IARS2: variants seen among roughly 807,000 people sequenced by gnomAD.
IARS2 encodes isoleucine--tRNA ligase, mitochondrial.
IARS2 carries 56 observed loss-of-function variants against 126.3 expected under a neutral mutation model. That is an observed-to-expected ratio of 0.44 (90% CI 0.36 to 0.55). The LOEUF (loss-of-function observed/expected upper bound fraction) is 0.55. IARS2 is among the 20% of genes least tolerant of loss of function. The pLI is 0.00. For synonymous variants in IARS2, 407 were observed against 441.1 expected, an observed-to-expected ratio of 0.92 and a Z score of 0.97; for missense variants, 1,127 against 1,245.9, an observed-to-expected ratio of 0.90 and a Z score of 1.44.
chr1:220,138,859 A>T, intron 17 of IARS2, 149 bp from the exon 18 acceptor site: 1 of 723,078 alleles, frequency 1.4e-6, no homozygotes. Context: ...TTTGTTTTTT[A>T]TTTTTTTACA....
chr1:220,106,207 A>T (rs1441101507), intron 9 of IARS2, 147 bp downstream of exon 9: 1 of 581,518 alleles, frequency 1.7e-6, no homozygotes, highest in African/African-American at 1.8e-5. Flanking sequence ...CTAAAGTTTC[A>T]TTAATTCGTA....
chr1:220,117,255 G>C (rs1464974321), intron 12 of IARS2, among the ~76,000 whole-genome samples: 1 of 133,838 alleles, frequency 7.5e-6, no homozygotes, highest in Non-Finnish European at 1.5e-5. Flanking sequence ...GTAGTGGCAC[G>C]ATCTCAGCTC....
chr1:220,100,609 A>G lies in IARS2; in HGVS notation c.510A>G (p.Arg170=), dbSNP rs1372378340. 1 of 1,611,426 alleles carries G rather than the reference A, an allele frequency of 6.2e-7. No homozygotes were observed. Among genetic ancestry groups the G allele is most frequent in the South Asian group, 1.1e-5 (1 of 90,632 alleles). ...TAAAAGTATTATCAGAACTTGGTAG[A>G]GAAGCTCAGAATCTTTCAGCTATGG... ...IEIKVLSELG[R]EAQNLSAMEI... is the part of the protein sequence containing the mutation. Residue 170 remains arginine (R), a synonymous_variant, in exon 3 of 23, where the codon AGA becomes AGG. Coordinates refer to ENST00000366922, the MANE Select transcript of IARS2 (RefSeq NM_018060.4).
chr1:220,113,000 T>TTA (rs574044103), intron 11 of IARS2, among the ~76,000 whole-genome samples: 5 of 152,120 alleles, frequency 3.3e-5, no homozygotes, highest in Non-Finnish European at 7.4e-5. Flanking sequence ...TTAGCTGGAA[T>TTA]TATAGGCATG....
chr1:220,143,200 T>G (rs2102842543), intron 21 of IARS2, 66 bp downstream of exon 21: 1 of 1,176,036 alleles, frequency 8.5e-7, no homozygotes, highest in Admixed American at 2.1e-5. Flanking sequence ...AAATTTGCTT[T>G]TAAAATGTGT....
chr1:220,118,654 T>C (rs1656976486), intron 12 of IARS2, among the ~76,000 whole-genome samples: 1 of 152,128 alleles, frequency 6.6e-6, no homozygotes, highest in African/African-American at 2.4e-5. Context: ...TTATAATCAC[T>C]TTCATGCTAT....
chr1:220,094,492 C>G lies in IARS2; in HGVS notation c.267+9C>G. ...AGCTGGAGATCCAGCAGGTACGGGC[C>G]CCGCCTCGGCGCGGGGCCTCCAGAG... is the stretch of plus-strand genomic sequence containing the variant. On this transcript the variant is annotated intron_variant, in intron 1 of 22. Transcript: ENST00000366922. 1 of 1,581,548 alleles carries G rather than the reference C, an allele frequency of 6.3e-7. No individual in the cohort carries two copies. The highest frequency in any genetic ancestry group is 8.6e-7 in the Non-Finnish European group (1 of 1,166,116).
chr1:220,134,554 G>C (rs776403704), intron 15 of IARS2, 44 bp downstream of exon 15: 1 of 1,240,846 alleles, frequency 8.1e-7, no homozygotes, highest in South Asian at 1.3e-5. Context: ...ACCTGCCAGT[G>C]TGTGAAGCAC....
In IARS2 at chr1:220,134,387, A is replaced by G. The variant is rs768862476; in HGVS notation, c.1838-15A>G. 5 of 1,535,554 alleles carry G rather than the reference A, an allele frequency of 3.3e-6. No homozygotes were observed. Among genetic ancestry groups the G allele is most frequent in the Non-Finnish European group, 2.6e-6 (3 of 1,139,246 alleles). ...AATTTCTGGGTTTTTTTTTCTTTTA[A>G]TACTTAATTTTGAGGTCCTGACCAA... On this transcript the variant is annotated splice_polypyrimidine_tract_variant and intron_variant, in intron 14 of 22. Transcript: ENST00000366922.
chr1:220,105,136 C>T (rs1656652801), intron 8 of IARS2, among the ~76,000 whole-genome samples: 1 of 152,064 alleles, frequency 6.6e-6, no homozygotes, highest in Non-Finnish European at 1.5e-5. Flanking sequence ...CACCCTCTCT[C>T]ACTGTGTTGC....
intron 12 of IARS2, among the ~76,000 whole-genome samples, chr1:220,115,991 C>T (rs545425387): frequency 2.6e-5 from 4 of 152,250 alleles, no homozygotes; most frequent in South Asian, 4.1e-4. Flanking sequence ...GAGGCCAAGG[C>T]GGCAGGATTG....
chr1:220,122,104 A>C (rs1160379035), intron 12 of IARS2, among the ~76,000 whole-genome samples: 1 of 152,190 alleles, frequency 6.6e-6, no homozygotes, highest in Non-Finnish European at 1.5e-5. Flanking sequence ...AAAATTAATT[A>C]ATTAAAATAA....
At chr1:220,137,155 A>G (rs1375881237) in intron 16 of IARS2, among the ~76,000 whole-genome samples, 1 of 152,142 alleles carries the variant, frequency 6.6e-6, no homozygotes, top group East Asian at 1.9e-4. Context: ...GAGCCTTTAA[A>G]ATGTGTAGAT....
At position 220,126,740 on chromosome 1, in the gene IARS2, A is replaced by G. The variant is rs757142919; in HGVS notation, c.1744-10A>G. 4 of 1,605,380 alleles carry G rather than the reference A, an allele frequency of 2.5e-6. No homozygotes were observed. The highest frequency in any genetic ancestry group is 1.7e-4 in the Middle Eastern group (1 of 6,040). On this transcript the variant is annotated splice_polypyrimidine_tract_variant and intron_variant, in intron 13 of 22. Coordinates refer to ENST00000366922, the MANE Select transcript of IARS2 (RefSeq NM_018060.4). Reference sequence around the variant, plus strand: ...TGTGTACCTGACATGCTTTTGCATTATCTTACTAGGTTGGTGGCCCTGATG... The same window carrying G: ...TGTGTACCTGACATGCTTTTGCATTGTCTTACTAGGTTGGTGGCCCTGATG...
chr1:220,139,169 C>G, intron 18 of IARS2, 30 bp downstream of exon 18: 1 of 1,578,206 alleles, frequency 6.3e-7, no homozygotes, highest in Non-Finnish European at 8.6e-7. Context: ...CTTTTGGAAA[C>G]TAGAAATATC....
Position 220,105,962 on chromosome 1 carries a change from A to T in IARS2, c.1138A>T (p.Asn380Tyr). Residue 380 changes from asparagine to tyrosine, a missense_variant, in exon 9 of 23, where the codon AAT becomes TAT. Asn to Tyr is a moderately radical substitution (Grantham distance 143). Coordinates refer to ENST00000366922, the MANE Select transcript of IARS2 (RefSeq NM_018060.4). ...PDKASPLLPA[N>Y]HVTMAKGTGL... ...TAAAGCCTCTCCTCTTTTACCTGCA[A>T]ATCATGTGACCATGGCAAAAGGAAC... 1 of 1,614,078 alleles carries T rather than the reference A, an allele frequency of 6.2e-7. No individual in the cohort carries two copies. The highest frequency in any genetic ancestry group is 1.7e-5 in the Admixed American group (1 of 60,020).
chr1:220,120,430 A>G (rs1657017869), intron 12 of IARS2, among the ~76,000 whole-genome samples: 1 of 150,532 alleles, frequency 6.6e-6, no homozygotes, highest in Non-Finnish European at 1.5e-5. Flanking sequence ...GCTGGAGTGC[A>G]GTGGTGCAAT....
intron 21 of IARS2, chr1:220,144,053 CA>C: frequency 7.2e-7 from 1 of 1,385,832 alleles, no homozygotes. Context: ...ACAATGAAAC[CA>C]AACTGGCGGG....
chr1:220,142,458 T>C (rs1657508875), intron 20 of IARS2, among the ~76,000 whole-genome samples: 1 of 152,156 alleles, frequency 6.6e-6, no homozygotes, highest in Admixed American at 6.5e-5. Context: ...GCCAAGATCA[T>C]GCCACTGTAC....
Sources: allele counts gnomAD v4.1 joint callset (sites outside exome capture counted in the v4.1 genomes callset), GRCh38; gene constraint gnomAD v4.1.1; transcripts MANE v1.5; gene names NCBI Gene and HGNC (gene_info 2026-07-23, HGNC 2026-07-21).